Variants in UNC45B observed in about 807,000 individuals in gnomAD.
UNC45B encodes the protein protein unc-45 homolog B.
Under a neutral mutation model 98.7 loss-of-function variants are expected in UNC45B, and 78 were observed. That is an observed-to-expected ratio of 0.79 (90% CI 0.66 to 0.95). The LOEUF (loss-of-function observed/expected upper bound fraction) is 0.95. Among genes scored for constraint, UNC45B ranks in the 40% least tolerant of loss-of-function variants. The probability of loss-of-function intolerance (pLI) is 0.00; values close to 1 mark genes in which losing one functional copy is unlikely to be tolerated. For synonymous variants in UNC45B, 462 were observed against 480.4 expected (o/e 0.96, Z 0.50); for missense variants, 1,225 against 1,184.9 (o/e 1.03, Z -0.50).
intron 4 of UNC45B, chr17:35,151,314 G>T: frequency 6.0e-6 from 1 of 165,900 alleles, no homozygotes; most frequent in South Asian, 1.3e-4. Context: ...TGGGTCTTCC[G>T]TACGCCACAT....
At position 35,152,997 on chromosome 17, in the gene UNC45B, G is replaced by A; in HGVS notation, c.471+15G>A. On this transcript the variant is annotated intron_variant, in intron 5 of 19. Coordinates refer to ENST00000394570, the MANE Select transcript of UNC45B (RefSeq NM_001267052.2). ...AGCGGGAAAAGGTGAGTGCTGGCCAGTGCCATCCAGCCAGCAGAAGGACCC... is the reference window on the plus strand; with the variant it reads ...AGCGGGAAAAGGTGAGTGCTGGCCAATGCCATCCAGCCAGCAGAAGGACCC... 1 of 1,563,032 alleles carries A rather than the reference G, an allele frequency of 6.4e-7. No individual in the cohort carries two copies. The highest frequency in any genetic ancestry group is 8.7e-7 in the Non-Finnish European group (1 of 1,143,098).
chr17:35,155,502 G>A, intron 7 of UNC45B, 38 bp downstream of exon 7: 1 of 1,603,214 alleles, frequency 6.2e-7, no homozygotes, highest in Non-Finnish European at 8.5e-7. Flanking sequence ...AAGGGGATGG[G>A]GAAAGAAAAG....
chr17:35,153,529 A>T (rs2092036269), intron 5 of UNC45B, among the ~76,000 whole-genome samples: 1 of 152,102 alleles, frequency 6.6e-6, no homozygotes, highest in Non-Finnish European at 1.5e-5. Context: ...AGGGGAAAAA[A>T]ATTGAACATT....
At chr17:35,173,524 C>G (rs2092204208) in intron 13 of UNC45B, among the ~76,000 whole-genome samples, 1 of 152,132 alleles carries the variant, frequency 6.6e-6, no homozygotes. Context: ...CTTTGGGAGG[C>G]TCTAAGGGAG....
In UNC45B at chr17:35,183,422, C is replaced by A; in HGVS notation, c.2374-5C>A. 6.5e-7 allele frequency: 1 copy of A among 1,547,844 alleles called. No homozygotes were observed. Among genetic ancestry groups the A allele is most frequent in the South Asian group, 1.2e-5 (1 of 80,682 alleles). On this transcript the variant is annotated splice_region_variant and splice_polypyrimidine_tract_variant and intron_variant, in intron 18 of 19. Coordinates refer to ENST00000394570, the MANE Select transcript of UNC45B (RefSeq NM_001267052.2). ...TTCTCTGAGCCATGTTCCTGCCTCC[C>A]ACAGGTACAGGAAAGGTTCTTGGCT... is the stretch of plus-strand genomic sequence containing the variant.
chr17:35,162,190 C>T (rs992867748), intron 8 of UNC45B, among the ~76,000 whole-genome samples: 1 of 152,158 alleles, frequency 6.6e-6, no homozygotes, highest in Non-Finnish European at 1.5e-5. Flanking sequence ...TCATGGGAAT[C>T]TCTGATTTAT....
chr17:35,186,546 A>C lies in UNC45B; in HGVS notation c.2777A>C (p.Lys926Thr), dbSNP rs1244303833. Residue 926 changes from lysine to threonine, a missense_variant, in exon 20 of 20, where the codon AAA becomes ACA. By Grantham distance (78) the Lys-to-Thr change is moderately conservative. Transcript: ENST00000394570. ...AAGTGCATGGATTATGGTTTCATTA[A>C]ACCAGTGTCTTAGACAGCGACCCTC... The part of the protein sequence containing the change: ...LIKCMDYGFI[K>T]PVS 2.5e-6 allele frequency: 4 copies of C among 1,614,162 alleles called. No individual in the cohort carries two copies. The South Asian group carries it at 4.4e-5, about 18-fold the overall frequency.
chr17:35,175,872 G>A lies in UNC45B; in HGVS notation c.1959-96G>A, dbSNP rs532375313. 9 of 1,177,228 alleles carry A rather than the reference G, an allele frequency of 7.6e-6. No individual in the cohort carries two copies. In the East Asian group the frequency reaches 2.1e-4, roughly 28 times the overall value. 72.9% of individuals were successfully genotyped at this position (1,177,228 alleles called of 1,614,324 possible). A position where few individuals can be genotyped will look rare whatever the true frequency, so the allele number is the denominator to read the frequency against. ...TTCCATAGTCTCCCTTTTCATCCCA[G>A]GGTTTCACTGGCTCCGACTGGCTGG... On this transcript the variant is annotated intron_variant, in intron 14 of 19. Coordinates refer to ENST00000394570, the MANE Select transcript of UNC45B (RefSeq NM_001267052.2).
chr17:35,159,649 T>C, intron 8 of UNC45B, 104 bp downstream of exon 8: 1 of 1,321,452 alleles, frequency 7.6e-7, no homozygotes, highest in Non-Finnish European at 1.0e-6. Context: ...GGTCTTCAGT[T>C]CTAACTGAAA....
At chr17:35,169,325 A>G (rs1329446520) in intron 10 of UNC45B, among the ~76,000 whole-genome samples, 1 of 152,254 alleles carries the variant, frequency 6.6e-6, no homozygotes, top group Non-Finnish European at 1.5e-5. Context: ...TACAGGCGTG[A>G]GCCACCGCAC....
intron 13 of UNC45B, among the ~76,000 whole-genome samples, chr17:35,173,369 A>G (rs1336630137): frequency 6.6e-6 from 1 of 151,740 alleles, no homozygotes; most frequent in Non-Finnish European, 1.5e-5. Flanking sequence ...CAAGTGGTCC[A>G]CCCACCTCAG....
chr17:35,158,740 T>G (rs1017967351), intron 7 of UNC45B, among the ~76,000 whole-genome samples: 1 of 152,238 alleles, frequency 6.6e-6, no homozygotes, highest in Non-Finnish European at 1.5e-5. Context: ...ACATCTTTCC[T>G]TCTTTAGGCG....
chr17:35,171,465 A>G lies in UNC45B; in HGVS notation c.1830+3A>G. 1 of 1,613,888 alleles carries G rather than the reference A, an allele frequency of 6.2e-7. No individual in the cohort carries two copies. Among genetic ancestry groups the G allele is most frequent in the Non-Finnish European group, 8.5e-7 (1 of 1,179,848 alleles). On this transcript the variant is annotated splice_donor_region_variant and intron_variant, in intron 13 of 19. Transcript: ENST00000394570. ...ATGTGCCCGAGGAACACCCCAAGGT[A>G]GGGTCAGGCGCGACCCGGGAGGGGT...
intron 7 of UNC45B, 119 bp from the exon 8 acceptor site, chr17:35,159,256 A>G: frequency 1.0e-6 from 1 of 977,810 alleles, no homozygotes; most frequent in Non-Finnish European, 1.5e-6. Flanking sequence ...CTGGGAATTC[A>G]CATATTCAGG....
rs966766961 is a variant in UNC45B at position 35,152,185 on chromosome 17, A to C, written c.382-708A>C. On this transcript the variant is annotated intron_variant, in intron 4 of 19. Transcript: ENST00000394570. ...CACTTGAACTTGGGAGGCAGAGGTTACAGTGAGCAGAGATCGTGCCACTGC... is the reference window on the plus strand; with the variant it reads ...CACTTGAACTTGGGAGGCAGAGGTTCCAGTGAGCAGAGATCGTGCCACTGC... 1.2e-4 allele frequency among the ~76,000 whole-genome samples: 19 copies of C among 152,140 alleles called. 1 individual carries two copies. Among genetic ancestry groups the C allele is most frequent in the Non-Finnish European group, 2.9e-5 (2 of 68,020 alleles).
chr17:35,175,070 A>AGAAAGAAAGAAG (rs1567765926), intron 14 of UNC45B, among the ~76,000 whole-genome samples: 1 of 121,002 alleles, frequency 8.3e-6, no homozygotes, highest in African/African-American at 3.2e-5. Flanking sequence ...GAAGAAAGAA[A>AGAAAGAAAGAAG]GAAAGAAAGA....
At position 35,150,815 on chromosome 17, in the gene UNC45B, A is replaced by G. The variant is rs182849513; in HGVS notation, c.381+592A>G. On this transcript the variant is annotated intron_variant, in intron 4 of 19. Coordinates refer to ENST00000394570, the MANE Select transcript of UNC45B (RefSeq NM_001267052.2). ...CTTAGAAATATTATTATAACTTAGT[A>G]TGTCTGCAACATGATCTCTCTCTCT... 2.1e-5 allele frequency among the ~76,000 whole-genome samples: 3 copies of G among 141,564 alleles called. No homozygotes were observed. The East Asian group carries it at 6.6e-4, about 31-fold the overall frequency. The allele number at this position is 141,564 out of a possible 152,430, so 92.9% of individuals were successfully genotyped here. A position where few individuals can be genotyped will look rare whatever the true frequency, so the allele number is the denominator to read the frequency against.
intron 9 of UNC45B, among the ~76,000 whole-genome samples, chr17:35,166,408 A>G (rs1567760566): frequency 2.0e-5 from 3 of 152,004 alleles, no homozygotes; most frequent in South Asian, 2.1e-4. Context: ...CTCAGTTTCA[A>G]CTTTTCCTGC....
Position 35,154,685 on chromosome 17 carries a change from C to T in UNC45B, c.583C>T (p.Leu195=), listed in dbSNP as rs538373497. Residue 195 remains leucine (L), a synonymous_variant, in exon 6 of 20, where the codon CTG becomes TTG. Coordinates refer to ENST00000394570, the MANE Select transcript of UNC45B (RefSeq NM_001267052.2). ...GCTTCTGGACACTAAGAAGCCTGAG[C>T]TGGTGCTGGCTGCAGTGCGGACCCT... The part of the protein sequence containing the change: ...LQLLDTKKPE[L]VLAAVRTLSG... 41 of 1,611,992 alleles carry T rather than the reference C, an allele frequency of 2.5e-5. 1 individual carries two copies. In the South Asian group the frequency reaches 3.5e-4, roughly 14 times the overall value.
Sources: allele counts gnomAD v4.1 joint callset (sites outside exome capture counted in the v4.1 genomes callset), GRCh38; gene constraint gnomAD v4.1.1; transcripts MANE v1.5; gene names NCBI Gene and HGNC (gene_info 2026-07-23, HGNC 2026-07-21).